The following PXDNL variants were observed in gnomAD, a reference collection of about 807,000 sequenced individuals.
PXDNL encodes the protein probable oxidoreductase PXDNL.
In PXDNL, 145 loss-of-function variants were observed where a neutral mutation model predicts 150.8. That is an observed-to-expected ratio of 0.96 (90% CI 0.84 to 1.10). The LOEUF is 1.10. PXDNL is among the 50% of genes least tolerant of loss of function. The probability of loss-of-function intolerance (pLI) is 0.00; values close to 1 mark genes in which losing one functional copy is unlikely to be tolerated. For synonymous variants in PXDNL, 757 were observed against 725.7 expected (o/e 1.04, Z -0.69); for missense variants, 2,087 against 1,873.9 (o/e 1.11, Z -2.10).
chr8:51,748,485 G>A (rs572938189), intron 1 of PXDNL, among the ~76,000 whole-genome samples: 7 of 152,254 alleles, frequency 4.6e-5, no homozygotes, highest in South Asian at 2.1e-4. Flanking sequence ...GGGGTGGCAC[G>A]CTCCTGGATG....
At chr8:51,592,919 C>G (rs1563476195) in intron 2 of PXDNL, among the ~76,000 whole-genome samples, 1 of 151,848 alleles carries the variant, frequency 6.6e-6, no homozygotes, top group Non-Finnish European at 1.5e-5. Context: ...ATTAAATTAC[C>G]CTAAAACACT....
chr8:51,561,618 G>A (rs1313703524), intron 3 of PXDNL, among the ~76,000 whole-genome samples: 1 of 151,812 alleles, frequency 6.6e-6, no homozygotes, highest in East Asian at 1.9e-4. Context: ...AAGTAAACCG[G>A]TCACAAGAAG....
At chr8:51,608,973 T>A (rs1813938889) in intron 2 of PXDNL, among the ~76,000 whole-genome samples, 1 of 152,080 alleles carries the variant, frequency 6.6e-6, no homozygotes, top group Non-Finnish European at 1.5e-5. Flanking sequence ...CTCTTTCAAG[T>A]CACTTATCCC....
chr8:51,754,841 T>C (rs2037083203), intron 1 of PXDNL, among the ~76,000 whole-genome samples: 2 of 152,038 alleles, frequency 1.3e-5, no homozygotes, highest in East Asian at 1.9e-4. Context: ...TTTTAACAAG[T>C]AGTTTTTAGA....
intron 1 of PXDNL, among the ~76,000 whole-genome samples, chr8:51,718,944 C>CG (rs1306992075): frequency 1.3e-5 from 2 of 151,972 alleles, no homozygotes; most frequent in Non-Finnish European, 2.9e-5. Flanking sequence ...GGGAGGGAGG[C>CG]GGGGGGCAGC....
chr8:51,403,745 T>C (rs1375246109), intron 17 of PXDNL, among the ~76,000 whole-genome samples: 5 of 152,194 alleles, frequency 3.3e-5, no homozygotes, highest in African/African-American at 9.7e-5. Flanking sequence ...AAAATTCAAA[T>C]GTGGAAGCTT....
At chr8:51,554,060 T>A (rs1367304991) in intron 4 of PXDNL, among the ~76,000 whole-genome samples, 1 of 152,174 alleles carries the variant, frequency 6.6e-6, no homozygotes, top group Non-Finnish European at 1.5e-5. Context: ...AACAAGCATA[T>A]AAAATGTTTT....
At chr8:51,620,012 G>A (rs377723505) in intron 2 of PXDNL, among the ~76,000 whole-genome samples, 30 of 152,122 alleles carry the variant, frequency 2.0e-4, no homozygotes, top group South Asian at 1.7e-3. Context: ...CTTTTCTATT[G>A]TTAGCCTGTC....
intron 12 of PXDNL, among the ~76,000 whole-genome samples, chr8:51,436,714 A>T (rs1224592214): frequency 6.6e-6 from 1 of 152,196 alleles, no homozygotes; most frequent in East Asian, 1.9e-4. Flanking sequence ...CACAGCGCTA[A>T]GAGGGAAGTT....
intron 19 of PXDNL, among the ~76,000 whole-genome samples, chr8:51,356,359 G>A (rs1238267910): frequency 6.6e-6 from 1 of 151,922 alleles, no homozygotes; most frequent in Non-Finnish European, 1.5e-5. Flanking sequence ...TGTGGTGGCG[G>A]GTGCCTGTAA....
At chr8:51,448,896 C>T (rs1348766305) in intron 11 of PXDNL, 106 bp downstream of exon 11, 3 of 710,668 alleles carry the variant, frequency 4.2e-6, no homozygotes, top group Non-Finnish European at 7.7e-6. Flanking sequence ...GTAATTTTTT[C>T]ATGTCCATGA....
intron 17 of PXDNL, among the ~76,000 whole-genome samples, chr8:51,391,524 G>T (rs1807909391): frequency 6.6e-6 from 1 of 152,250 alleles, no homozygotes; most frequent in South Asian, 2.1e-4. Flanking sequence ...GTGTTTTTTG[G>T]CTACATAAAT....
At chr8:51,561,544 A>G (rs533780383) in intron 3 of PXDNL, among the ~76,000 whole-genome samples, 90 of 152,070 alleles carry the variant, frequency 5.9e-4, no homozygotes, top group Non-Finnish European at 1.1e-3. Context: ...TTTTTTTAAA[A>G]AAACGAAGGA....
intron 2 of PXDNL, among the ~76,000 whole-genome samples, chr8:51,640,836 C>T (rs571879453): frequency 4.0e-5 from 6 of 151,756 alleles, no homozygotes; most frequent in South Asian, 2.1e-4. Flanking sequence ...ACTTTCTTCA[C>T]AGAATTGGAA....
intron 6 of PXDNL, among the ~76,000 whole-genome samples, chr8:51,475,707 C>T (rs1419523005): frequency 1.3e-5 from 2 of 152,064 alleles, no homozygotes; most frequent in Non-Finnish European, 2.9e-5. Flanking sequence ...CTGAGGTTTG[C>T]GGTCCTATTG....
chr8:51,435,347 T>A (rs1246659691), intron 12 of PXDNL, among the ~76,000 whole-genome samples: 1 of 123,332 alleles, frequency 8.1e-6, no homozygotes, highest in Non-Finnish European at 1.7e-5. Context: ...AAAGTCCTCA[T>A]CAGTGTTTTT....
At chr8:51,487,142 T>A (rs1434831752) in intron 5 of PXDNL, among the ~76,000 whole-genome samples, 1 of 152,034 alleles carries the variant, frequency 6.6e-6, no homozygotes, top group Non-Finnish European at 1.5e-5. Context: ...CAAAGATGCT[T>A]GATCAAAAAA....
chr8:51,587,661 C>T (rs1001091536), intron 3 of PXDNL, among the ~76,000 whole-genome samples: 10 of 152,050 alleles, frequency 6.6e-5, no homozygotes, highest in South Asian at 2.1e-4. Flanking sequence ...GGAAAATGCA[C>T]GCTATAAATA....
At chr8:51,391,631 G>C (rs1807912676) in intron 17 of PXDNL, among the ~76,000 whole-genome samples, 1 of 152,108 alleles carries the variant, frequency 6.6e-6, no homozygotes, top group African/African-American at 2.4e-5. Flanking sequence ...GTAGATTCTG[G>C]ATATTGGCCC....
Sources: gnomAD v4.1 joint callset for allele counts (sites outside exome capture counted in the v4.1 genomes callset) on GRCh38, gnomAD v4.1.1 for gene constraint, MANE v1.5 for transcripts, NCBI Gene and HGNC (gene_info 2026-07-23, HGNC 2026-07-21) for gene names.